Variants in LDLRAP1 observed in about 807,000 individuals in gnomAD.
LDLRAP1 encodes low density lipoprotein receptor adaptor protein 1.
LDLRAP1 carries 30 observed loss-of-function variants against 37.8 expected under a neutral mutation model. That is an observed-to-expected ratio of 0.79 (90% CI 0.59 to 1.08). The LOEUF is 1.08. Among genes scored for constraint, LDLRAP1 ranks in the 50% least tolerant of loss-of-function variants. LDLRAP1 has a pLI of 0.00. For missense variants in LDLRAP1, 375 were observed against 401.6 expected, an observed-to-expected ratio of 0.93 and a Z score of 0.57; for synonymous variants, 156 against 169.8, an observed-to-expected ratio of 0.92 and a Z score of 0.63.
At chr1:25,586,492 G>A in the LDLRAP1 span, among the ~76,000 whole-genome samples, 92 of 151,214 alleles carry the variant, frequency 6.1e-4, no homozygotes, top group African/African-American at 2.1e-3. The surrounding 1 kb of genome is among the most constrained non-coding windows in gnomAD (Gnocchi z 4.3). Context: ...GCGTGTGCGT[G>A]TGTGTGTGTG....
intron 4 of LDLRAP1, among the ~76,000 whole-genome samples, chr1:25,559,655 G>A (rs537496283): frequency 1.3e-5 from 2 of 152,312 alleles, no homozygotes; most frequent in Admixed American, 6.5e-5. Context: ...CCAAGACAGC[G>A]CAGCCCAGCA....
intron 1 of LDLRAP1, among the ~76,000 whole-genome samples, chr1:25,547,620 G>T (rs1274891296): frequency 6.6e-6 from 1 of 152,212 alleles, no homozygotes; most frequent in East Asian, 1.9e-4. Context: ...CGTTCCACTG[G>T]AGGGGCAGTT....
the LDLRAP1 span, among the ~76,000 whole-genome samples, chr1:25,584,254 G>A: frequency 2.0e-4 from 31 of 151,974 alleles, no homozygotes; most frequent in Admixed American, 3.9e-4. Flanking sequence ...AACCCCCTGC[G>A]CTTGCCTGCA....
chr1:25,549,068 T>C (rs1402743513), intron 1 of LDLRAP1, among the ~76,000 whole-genome samples: 2 of 152,238 alleles, frequency 1.3e-5, no homozygotes, highest in Non-Finnish European at 2.9e-5. Context: ...TAGGAAATGG[T>C]AGCTGCTGCA....
chr1:25,544,174 C>T lies in LDLRAP1; in HGVS notation c.88+388C>T, dbSNP rs1278617062. ...CGGTGCCTAGGGGAGGAGGAGAGGG[C>T]GCAGGGGCTTGGGAAGACGCCCCCG... On this transcript the variant is annotated intron_variant, in intron 1 of 8. Transcript: ENST00000374338. The surrounding 1 kb of genome is among the most constrained non-coding windows in gnomAD (Gnocchi z 4.8). 6.6e-6 allele frequency among the ~76,000 whole-genome samples: 1 copy of T among 152,078 alleles called. No individual in the cohort carries two copies. Among genetic ancestry groups the T allele is most frequent in the Non-Finnish European group, 1.5e-5 (1 of 67,972 alleles).
chr1:25,569,541 G>A (rs959174816), downstream of LDLRAP1, among the ~76,000 whole-genome samples: 3 of 152,058 alleles, frequency 2.0e-5, no homozygotes, highest in Non-Finnish European at 2.9e-5. Flanking sequence ...TGACCTCCCC[G>A]CTTTTTACCA....
the LDLRAP1 span, among the ~76,000 whole-genome samples, chr1:25,576,153 A>T: frequency 2.0e-5 from 3 of 152,074 alleles, no homozygotes; most frequent in Non-Finnish European, 4.4e-5. Flanking sequence ...GATCACTTGA[A>T]TTCGGGAGGC....
chr1:25,562,479 A>C (rs758223935), intron 4 of LDLRAP1, among the ~76,000 whole-genome samples, 165 bp from the exon 5 acceptor site: 65 of 152,224 alleles, frequency 4.3e-4, no homozygotes, highest in Non-Finnish European at 9.0e-4. Flanking sequence ...GGGAAGGGCC[A>C]GGACCCTGCT....
At chr1:25,589,851 C>T in the LDLRAP1 span, among the ~76,000 whole-genome samples, 1 of 152,154 alleles carries the variant, frequency 6.6e-6, no homozygotes, top group South Asian at 2.1e-4. Flanking sequence ...GCCTGTAATC[C>T]CGGCACTTTG....
chr1:25,553,639 GT>G, intron 1 of LDLRAP1: 1 of 435,000 alleles, frequency 2.3e-6, no homozygotes, highest in South Asian at 2.2e-5. Flanking sequence ...ATCACTTGGG[GT>G]CAGGAGTTCG....
At chr1:25,564,208 CT>C (rs2044420453) in intron 7 of LDLRAP1, 1 of 283,276 alleles carries the variant, frequency 3.5e-6, no homozygotes, top group Non-Finnish European at 7.0e-6. Context: ...GGCAAGCCCC[CT>C]GACCTCTCTG....
In LDLRAP1 at chr1:25,543,679, G is replaced by C. The variant is rs1245207230; in HGVS notation, c.-20G>C. 2 of 1,212,030 alleles carry C rather than the reference G, an allele frequency of 1.7e-6. No homozygotes were observed. 75.1% of individuals were successfully genotyped at this position (1,212,030 alleles called of 1,614,324 possible). A position where few individuals can be genotyped will look rare whatever the true frequency, so the allele number is the denominator to read the frequency against. On this transcript the variant is annotated 5_prime_UTR_variant, in exon 1 of 9. Coordinates refer to ENST00000374338, the MANE Select transcript of LDLRAP1 (RefSeq NM_015627.3). ...ACGGAGTTTTGGCTGCGGCAGCGGCGGCGGCGGCCGGAGCGGGCCATGGAC... is the reference window on the plus strand; with the variant it reads ...ACGGAGTTTTGGCTGCGGCAGCGGCCGCGGCGGCCGGAGCGGGCCATGGAC...
rs764625646 is a variant in LDLRAP1, at chr1:25,566,999, G to A, written c.*7G>A. The A allele has an allele frequency of 1.6e-5, 26 of 1,613,018 alleles. No homozygotes were observed. The highest frequency in any genetic ancestry group is 1.6e-4 in the Middle Eastern group (1 of 6,082). On this transcript the variant is annotated 3_prime_UTR_variant, in exon 9 of 9. Coordinates refer to ENST00000374338, the MANE Select transcript of LDLRAP1 (RefSeq NM_015627.3). Reference sequence around the variant, plus strand: ...TGACCTCTTCAGCTTCTGAGGGCCCGGGGCCAGCCGGACACAAGCGGCCCT... The same window carrying A: ...TGACCTCTTCAGCTTCTGAGGGCCCAGGGCCAGCCGGACACAAGCGGCCCT...
At chr1:25,582,131 G>C in the LDLRAP1 span, among the ~76,000 whole-genome samples, 1 of 152,146 alleles carries the variant, frequency 6.6e-6, no homozygotes, top group Non-Finnish European at 1.5e-5. Context: ...TTCCCCTTGG[G>C]CCTCAGTTTT....
intron 6 of LDLRAP1, 42 bp from the exon 7 acceptor site, chr1:25,563,619 G>C (rs1338948691): frequency 6.2e-7 from 1 of 1,610,606 alleles, no homozygotes; most frequent in Non-Finnish European, 8.5e-7. Context: ...CAGGAAGGAA[G>C]AGGCTGATCT....
downstream of LDLRAP1, among the ~76,000 whole-genome samples, chr1:25,573,544 G>A (rs1455142305): frequency 5.3e-5 from 8 of 152,334 alleles, no homozygotes; most frequent in East Asian, 1.3e-3. Flanking sequence ...ACAGGGAAGG[G>A]AAGGGAAATG....
intron 3 of LDLRAP1, among the ~76,000 whole-genome samples, chr1:25,556,935 G>A (rs1324407647): frequency 1.3e-5 from 2 of 152,190 alleles, no homozygotes; most frequent in African/African-American, 4.8e-5. Context: ...CCTGCTTCCA[G>A]TCTTTACCCC....
chr1:25,572,882 A>C (rs1259719080), downstream of LDLRAP1, among the ~76,000 whole-genome samples: 2 of 152,182 alleles, frequency 1.3e-5, no homozygotes, highest in Admixed American at 1.3e-4. Flanking sequence ...CTGAAGTCTC[A>C]TCTGCAGCTC....
At chr1:25,562,971 C>A in intron 5 of LDLRAP1, 99 bp from the exon 6 acceptor site, 2 of 1,150,494 alleles carry the variant, frequency 1.7e-6, no homozygotes, top group South Asian at 1.2e-5. Flanking sequence ...CTGAAACTGC[C>A]CCTTGAGGTT....
Sources: gnomAD v4.1 joint callset for allele counts (sites outside exome capture counted in the v4.1 genomes callset) on GRCh38, gnomAD v4.1.1 for gene constraint, Gnocchi (gnomAD v3.1) non-coding constraint, MANE v1.5 for transcripts, NCBI Gene and HGNC (gene_info 2026-07-23, HGNC 2026-07-21) for gene names.